SLC9A9: variants seen among roughly 807,000 people sequenced by gnomAD.
The protein encoded by SLC9A9 is sodium/hydrogen exchanger 9.
SLC9A9 carries 62 observed loss-of-function variants against 77.8 expected under a neutral mutation model. The observed-to-expected ratio is 0.80, with a 90% CI of 0.65 to 0.98. The LOEUF is 0.98. Among genes scored for constraint, SLC9A9 ranks in the 50% least tolerant of loss-of-function variants. The pLI is 0.00. For synonymous variants in SLC9A9, 320 were observed against 283.5 expected, an observed-to-expected ratio of 1.13 and a Z score of -1.29; for missense variants, 775 against 774.9, an observed-to-expected ratio of 1.00 and a Z score of 0.00.
chr3:143,397,293 G>A (rs905077478), intron 12 of SLC9A9, among the ~76,000 whole-genome samples: 4 of 152,220 alleles, frequency 2.6e-5, no homozygotes, highest in African/African-American at 9.6e-5. Context: ...AGAGTCAAAT[G>A]CACATCCCCA....
At chr3:143,593,166 G>A (rs965569606) in intron 6 of SLC9A9, among the ~76,000 whole-genome samples, 6 of 152,200 alleles carry the variant, frequency 3.9e-5, no homozygotes, top group Non-Finnish European at 7.3e-5. Flanking sequence ...GGTAAGGTAC[G>A]GGCCAGAAGG....
In SLC9A9 at chr3:143,493,740, A is replaced by T. The variant is rs762123497; in HGVS notation, c.1228T>A (p.Cys410Ser). The change falls in exon 11 of 16, where the codon TGC (cysteine) becomes AGC (serine). Residue 410 changes from cysteine (C) to serine (S), a missense_variant. Coordinates refer to ENST00000316549, the MANE Select transcript of SLC9A9 (RefSeq NM_173653.4). Reference protein sequence around the residue: ...AFLAIFVARACNIYPLSFLLN... With the variant: ...AFLAIFVARASNIYPLSFLLN... The stretch of plus-strand genomic sequence containing the variant: ...AGGAAGGAGAGGGGATATATGTTGC[A>T]GGCTCTGGCAACAAAAATTGCTAGC... 4 of 1,614,046 alleles carry T rather than the reference A, an allele frequency of 2.5e-6. No homozygotes were observed. The highest frequency in any genetic ancestry group is 2.5e-6 in the Non-Finnish European group (3 of 1,179,910).
chr3:143,405,935 C>A (rs915099192), intron 12 of SLC9A9, among the ~76,000 whole-genome samples: 1 of 152,140 alleles, frequency 6.6e-6, no homozygotes, highest in African/African-American at 2.4e-5. Flanking sequence ...AGACTTTAAA[C>A]GTTTTATTTT....
At chr3:143,836,957 A>G (rs2009583805) in intron 1 of SLC9A9, among the ~76,000 whole-genome samples, 1 of 152,210 alleles carries the variant, frequency 6.6e-6, no homozygotes, top group Admixed American at 6.5e-5. Context: ...TAAATTTTTT[A>G]TATGAAGTCT....
intron 8 of SLC9A9, among the ~76,000 whole-genome samples, chr3:143,573,656 C>T (rs1238925105): frequency 6.6e-6 from 1 of 152,064 alleles, no homozygotes. Flanking sequence ...TCTCAACCAC[C>T]GACGTGTATG....
chr3:143,313,055 A>T (rs1195400482), intron 14 of SLC9A9: 1 of 152,230 alleles, frequency 6.6e-6, no homozygotes, highest in African/African-American at 2.4e-5. Context: ...GTTAAAAAAA[A>T]CTCAACAAAA....
At chr3:143,358,883 C>A (rs1373030173) in intron 14 of SLC9A9, among the ~76,000 whole-genome samples, 1 of 152,150 alleles carries the variant, frequency 6.6e-6, no homozygotes, top group Non-Finnish European at 1.5e-5. Context: ...GCTTCTAAGC[C>A]AGAGTCAGGC....
chr3:143,714,152 C>G (rs759060657), intron 4 of SLC9A9, among the ~76,000 whole-genome samples: 2 of 152,176 alleles, frequency 1.3e-5, no homozygotes, highest in Non-Finnish European at 2.9e-5. Flanking sequence ...TGGGACACAA[C>G]TCATTTTGCT....
chr3:143,755,335 G>A (rs542667304), intron 4 of SLC9A9, among the ~76,000 whole-genome samples: 1 of 152,222 alleles, frequency 6.6e-6, no homozygotes, highest in South Asian at 2.1e-4. Context: ...ATAAGACCTG[G>A]TGATCCCCCA....
At chr3:143,287,021 C>G (rs1209237521) in intron 14 of SLC9A9, among the ~76,000 whole-genome samples, 1 of 152,170 alleles carries the variant, frequency 6.6e-6, no homozygotes, top group Non-Finnish European at 1.5e-5. Context: ...ACTGTCCCTA[C>G]GTACCTTTTC....
At chr3:143,613,955 G>A (rs1342322044) in intron 6 of SLC9A9, among the ~76,000 whole-genome samples, 1 of 151,926 alleles carries the variant, frequency 6.6e-6, no homozygotes, top group Non-Finnish European at 1.5e-5. Flanking sequence ...AATTAATTTT[G>A]GGAAAATTAG....
intron 2 of SLC9A9, among the ~76,000 whole-genome samples, chr3:143,810,141 T>C (rs2008825981): frequency 1.3e-5 from 2 of 152,208 alleles, no homozygotes; most frequent in African/African-American, 4.8e-5. Flanking sequence ...TTAAATATTA[T>C]CTCATATGTG....
intron 6 of SLC9A9, among the ~76,000 whole-genome samples, chr3:143,646,479 T>TA (rs1483030446): frequency 6.7e-6 from 1 of 149,856 alleles, no homozygotes; most frequent in Non-Finnish European, 1.5e-5. Context: ...TATTATATAT[T>TA]AAATTTCCTG....
intron 4 of SLC9A9, among the ~76,000 whole-genome samples, chr3:143,738,280 C>T (rs1490936844): frequency 6.6e-6 from 1 of 152,134 alleles, no homozygotes; most frequent in African/African-American, 2.4e-5. Flanking sequence ...TAGGGCAGTA[C>T]CGGATAGTCA....
At chr3:143,517,639 C>T in intron 9 of SLC9A9, 1 of 1,597,348 alleles carries the variant, frequency 6.3e-7, no homozygotes, top group Non-Finnish European at 8.5e-7. Flanking sequence ...CTTCTTCCTA[C>T]TGGCCTAGAA....
chr3:143,525,245 A>T (rs933692779), intron 9 of SLC9A9, among the ~76,000 whole-genome samples: 1 of 152,194 alleles, frequency 6.6e-6, no homozygotes, highest in Non-Finnish European at 1.5e-5. Context: ...ATAAATTATC[A>T]TTTAAATTAA....
At chr3:143,514,583 G>A (rs564247558) in intron 9 of SLC9A9, among the ~76,000 whole-genome samples, 1 of 152,274 alleles carries the variant, frequency 6.6e-6, no homozygotes, top group East Asian at 1.9e-4. Flanking sequence ...AGATCCTCTG[G>A]ATAACTTGCT....
intron 4 of SLC9A9, among the ~76,000 whole-genome samples, chr3:143,780,171 C>T (rs2007825901): frequency 6.6e-6 from 1 of 152,154 alleles, no homozygotes; most frequent in African/African-American, 2.4e-5. Flanking sequence ...TGTTGGAAGA[C>T]AGATATTTGC....
chr3:143,450,698 T>G (rs1183900328), intron 12 of SLC9A9, among the ~76,000 whole-genome samples: 1 of 152,178 alleles, frequency 6.6e-6, no homozygotes, highest in Non-Finnish European at 1.5e-5. Flanking sequence ...CTATACAAAA[T>G]TGAATAGACC....
Sources: gnomAD v4.1 joint callset for allele counts (sites outside exome capture counted in the v4.1 genomes callset) on GRCh38, gnomAD v4.1.1 for gene constraint, MANE v1.5 for transcripts, NCBI Gene and HGNC (gene_info 2026-07-23, HGNC 2026-07-21) for gene names.